Variants in THSD7B observed in about 807,000 individuals in gnomAD.
The protein encoded by THSD7B is thrombospondin type 1 domain containing 7B.
A neutral mutation model predicts 213.6 loss-of-function variants in THSD7B; 138 were observed. The ratio of observed to expected loss-of-function variants is 0.65; its 90% CI spans 0.56 to 0.74. The LOEUF (loss-of-function observed/expected upper bound fraction) is 0.74. Among genes scored for constraint, THSD7B ranks in the 30% least tolerant of loss-of-function variants. The pLI, the probability that THSD7B is intolerant of heterozygous loss-of-function variation, is 0.00. For synonymous variants in THSD7B, 742 were observed against 687.0 expected (o/e 1.08, Z -1.25); for missense variants, 1,931 against 1,991.5 (o/e 0.97, Z 0.58).
intron 3 of THSD7B, among the ~76,000 whole-genome samples, chr2:137,064,961 G>T (rs28874915): frequency 0.034 from 5,038 of 149,546 alleles, 275 homozygotes; most frequent in African/African-American, 0.11. Context: ...TTTTTTTTTT[G>T]TTGTTGTTGT....
intron 17 of THSD7B, among the ~76,000 whole-genome samples, chr2:137,600,535 C>T (rs1478015658): frequency 6.6e-6 from 1 of 152,090 alleles, no homozygotes; most frequent in African/African-American, 2.4e-5. Flanking sequence ...GCCAGGAGTT[C>T]AAGACCAGCC....
At chr2:137,505,152 A>G (rs1031016484) in intron 15 of THSD7B, among the ~76,000 whole-genome samples, 1 of 152,232 alleles carries the variant, frequency 6.6e-6, no homozygotes, top group Admixed American at 6.5e-5. Flanking sequence ...ACATTTCCCA[A>G]GAAGGGGCCT....
At chr2:136,785,404 C>A (rs1040911919) in intron 1 of THSD7B, among the ~76,000 whole-genome samples, 2 of 152,114 alleles carry the variant, frequency 1.3e-5, no homozygotes, top group African/African-American at 4.8e-5. Context: ...CACTACCCTG[C>A]CACCTTGGCC....
intron 7 of THSD7B, among the ~76,000 whole-genome samples, chr2:137,189,311 T>A (rs1389179029): frequency 6.6e-6 from 1 of 152,182 alleles, no homozygotes; most frequent in African/African-American, 2.4e-5. Flanking sequence ...CAAGAACCTA[T>A]GAGTGAAAAA....
chr2:137,108,562 C>T (rs1432224), intron 4 of THSD7B, among the ~76,000 whole-genome samples: 1 of 151,934 alleles, frequency 6.6e-6, no homozygotes, highest in South Asian at 2.1e-4. Context: ...ATTCTAACTA[C>T]GGTCTAGACT....
chr2:137,286,404 A>T (rs923168257), intron 12 of THSD7B, among the ~76,000 whole-genome samples: 2 of 152,160 alleles, frequency 1.3e-5, no homozygotes, highest in Non-Finnish European at 2.9e-5. Flanking sequence ...AGTCTATCAA[A>T]TGTCAAGACA....
chr2:137,662,087 A>T (rs893635003), intron 25 of THSD7B, among the ~76,000 whole-genome samples: 1 of 129,310 alleles, frequency 7.7e-6, no homozygotes. Flanking sequence ...TTTGAGATGG[A>T]GTCTTGCTCA....
chr2:137,643,428 A>G (rs1251478943), intron 21 of THSD7B, among the ~76,000 whole-genome samples: 1 of 152,226 alleles, frequency 6.6e-6, no homozygotes, highest in Non-Finnish European at 1.5e-5. Context: ...GTCAGGCAAC[A>G]TTATTATCTT....
In THSD7B at chr2:137,528,510, T is replaced by C. The variant is rs576480010; in HGVS notation, c.3139-34711T>C. ...CATGATATTTCAGTGCCTTTACTTA[T>C]AGATCACTCAGGTACAATCTTGATT... On this transcript the variant is annotated intron_variant, in intron 15 of 27. Coordinates refer to ENST00000409968, the MANE Select transcript of THSD7B (RefSeq NM_001316349.2). 3.9e-5 allele frequency among the ~76,000 whole-genome samples: 6 copies of C among 152,240 alleles called. No individual in the cohort carries two copies. In the East Asian group the frequency reaches 5.8e-4, roughly 15 times the overall value.
At chr2:137,087,978 G>A (rs1187183910) in intron 3 of THSD7B, among the ~76,000 whole-genome samples, 1 of 152,126 alleles carries the variant, frequency 6.6e-6, no homozygotes, top group Non-Finnish European at 1.5e-5. Context: ...GGTGGCTCAC[G>A]CTTGTAATCC....
intron 15 of THSD7B, among the ~76,000 whole-genome samples, chr2:137,559,012 G>A (rs1044814907): frequency 5.9e-5 from 9 of 152,120 alleles, no homozygotes; most frequent in African/African-American, 1.9e-4. Flanking sequence ...TACAAGGGAT[G>A]TGAAGGACCT....
intron 15 of THSD7B, among the ~76,000 whole-genome samples, chr2:137,524,831 T>G (rs1680250365): frequency 6.6e-6 from 1 of 152,206 alleles, no homozygotes; most frequent in African/African-American, 2.4e-5. Context: ...CTTTTCTCAG[T>G]GGTGGATATC....
chr2:136,974,607 C>T (rs953586221), intron 2 of THSD7B, among the ~76,000 whole-genome samples: 1 of 152,112 alleles, frequency 6.6e-6, no homozygotes, highest in Non-Finnish European at 1.5e-5. Context: ...CATTCGTGGG[C>T]ATATGGGGTG....
chr2:137,481,963 G>T (rs541304120), intron 15 of THSD7B, among the ~76,000 whole-genome samples: 5 of 152,244 alleles, frequency 3.3e-5, no homozygotes, highest in Non-Finnish European at 5.9e-5. Flanking sequence ...GGATCACGAG[G>T]TCAGGAGATT....
rs57950983 is a variant in THSD7B at position 136,930,168 on chromosome 2, T to C, written c.139+47851T>C. Among the ~76,000 whole-genome samples the C allele has an allele frequency of 5.0e-3, 763 of 152,300 alleles. 9 individuals carry two copies. Among genetic ancestry groups the C allele is most frequent in the African/African-American group, 0.017 (723 of 41,568 alleles). On this transcript the variant is annotated intron_variant, in intron 2 of 27. Coordinates refer to ENST00000409968, the MANE Select transcript of THSD7B (RefSeq NM_001316349.2). ...ACAAATAGGAAATAATCAATTACTA[T>C]ATAAATGATTCCACATGAATGCTGT...
At chr2:137,481,895 C>T (rs529541083) in intron 15 of THSD7B, among the ~76,000 whole-genome samples, 3 of 152,180 alleles carry the variant, frequency 2.0e-5, no homozygotes, top group African/African-American at 7.2e-5. Context: ...AGAGTTTAGC[C>T]GGCTGGCCGC....
chr2:137,504,665 C>G (rs1213499495), intron 15 of THSD7B, among the ~76,000 whole-genome samples: 1 of 152,116 alleles, frequency 6.6e-6, no homozygotes, highest in Admixed American at 6.5e-5. Flanking sequence ...CATCTTGGGT[C>G]CAACATCTAC....
At chr2:137,507,885 C>T (rs1679873130) in intron 15 of THSD7B, among the ~76,000 whole-genome samples, 1 of 152,158 alleles carries the variant, frequency 6.6e-6, no homozygotes, top group Non-Finnish European at 1.5e-5. Flanking sequence ...CCCCAGTCAA[C>T]AAATTGAGCC....
chr2:137,438,227 T>C (rs1687332989), intron 14 of THSD7B, among the ~76,000 whole-genome samples: 1 of 152,230 alleles, frequency 6.6e-6, no homozygotes, highest in South Asian at 2.1e-4. Context: ...AGTGTCCTGG[T>C]TGATTTTGAA....
Sources: allele counts gnomAD v4.1 joint callset (sites outside exome capture counted in the v4.1 genomes callset), GRCh38; gene constraint gnomAD v4.1.1; transcripts MANE v1.5; gene names NCBI Gene and HGNC (gene_info 2026-07-23, HGNC 2026-07-21).